The following TPTE2 variants were observed in gnomAD, a reference collection of about 807,000 sequenced individuals.
TPTE2 encodes the protein phosphatidylinositol 3,4,5-trisphosphate 3-phosphatase TPTE2.
TPTE2 carries 53 observed loss-of-function variants against 78.6 expected under a neutral mutation model. That is an observed-to-expected ratio of 0.67 (90% CI 0.54 to 0.85). The LOEUF is 0.85. Ranked by LOEUF, TPTE2 falls within the 40% of genes least tolerant of loss-of-function variation. The probability of loss-of-function intolerance (pLI) is 0.00; values close to 1 mark genes in which losing one functional copy is unlikely to be tolerated. For missense variants in TPTE2, 461 were observed against 623.0 expected (o/e 0.74, Z 2.77); for synonymous variants, 175 against 206.2 (o/e 0.85, Z 1.30).
intron 7 of TPTE2, among the ~76,000 whole-genome samples, chr13:19,465,816 TTAATA>T (rs1180841327): frequency 6.6e-6 from 1 of 152,168 alleles, no homozygotes; most frequent in Non-Finnish European, 1.5e-5. Context: ...CACCCTACAA[TTAATA>T]TAACTGCTCA....
intron 1 of TPTE2, among the ~76,000 whole-genome samples, chr13:19,525,849 A>G (rs1870463179): frequency 6.6e-6 from 1 of 152,136 alleles, no homozygotes. Flanking sequence ...TTACAAGCAA[A>G]AAACAACCTC....
At chr13:19,439,106 C>G (rs1013404884) in intron 13 of TPTE2, among the ~76,000 whole-genome samples, 13 of 152,276 alleles carry the variant, frequency 8.5e-5, no homozygotes, top group East Asian at 1.9e-4. Flanking sequence ...CTATCTGGCT[C>G]CACCCATCTT....
chr13:19,474,261 G>C (rs1879808932), intron 5 of TPTE2, among the ~76,000 whole-genome samples, 186 bp from the exon 9 acceptor site: 2 of 152,142 alleles, frequency 1.3e-5, no homozygotes, highest in Non-Finnish European at 2.9e-5. Context: ...AAAAATCACT[G>C]TTTTCACCCA....
chr13:19,560,194 G>A, the TPTE2 span: 2 of 754,664 alleles, frequency 2.7e-6, no homozygotes, highest in Non-Finnish European at 4.1e-6. Flanking sequence ...AGCTCGGCCG[G>A]CTTCATACTC....
At chr13:19,473,597 C>CTTT (rs34210025) in intron 6 of TPTE2, among the ~76,000 whole-genome samples, 3,435 of 129,080 alleles carry the variant, frequency 0.027, 125 homozygotes, top group Non-Finnish European at 0.03. Flanking sequence ...TTTTAAAATG[C>CTTT]TTTTTTTTTT....
chr13:19,513,376 G>A (rs1041344244), intron 1 of TPTE2, among the ~76,000 whole-genome samples: 8 of 152,138 alleles, frequency 5.3e-5, no homozygotes, highest in Non-Finnish European at 1.0e-4. Flanking sequence ...TAGAATCAGT[G>A]TCCAGAAAAC....
chr13:19,540,280 C>CATTATTATTATTATTATT (rs141067657), upstream of TPTE2, among the ~76,000 whole-genome samples: 7 of 145,068 alleles, frequency 4.8e-5, 1 homozygote, highest in African/African-American at 1.8e-4. Context: ...AATTAAATCT[C>CATTATTATTATTATTATT]ATTATTATTA....
At chr13:19,429,600 C>G (rs1037576011) in intron 17 of TPTE2, among the ~76,000 whole-genome samples, 1 of 152,064 alleles carries the variant, frequency 6.6e-6, no homozygotes, top group African/African-American at 2.4e-5. Flanking sequence ...ATGGGTCATT[C>G]TTTAAGAATA....
At chr13:19,531,584 A>C (rs1164839035) in intron 1 of TPTE2, among the ~76,000 whole-genome samples, 1 of 151,972 alleles carries the variant, frequency 6.6e-6, no homozygotes, top group Non-Finnish European at 1.5e-5. Context: ...TGTGTTAAGG[A>C]GAGCAATAAT....
the TPTE2 span, among the ~76,000 whole-genome samples, chr13:19,557,612 C>G: frequency 2.0e-5 from 3 of 152,140 alleles, no homozygotes; most frequent in African/African-American, 7.2e-5. Context: ...CTGGACTTGC[C>G]CAAATTATTC....
chr13:19,488,968 G>A (rs546302303), intron 3 of TPTE2, among the ~76,000 whole-genome samples: 46 of 152,088 alleles, frequency 3.0e-4, no homozygotes, highest in African/African-American at 1.0e-3. Context: ...CCTTTCACTA[G>A]GACACTCAGA....
intron 10 of TPTE2, among the ~76,000 whole-genome samples, chr13:19,457,684 C>T (rs1250367129): frequency 3.9e-5 from 6 of 152,154 alleles, no homozygotes; most frequent in African/African-American, 1.4e-4. Context: ...CATCCATGTC[C>T]CTGGAAAGGA....
At chr13:19,555,699 A>AT in the TPTE2 span, among the ~76,000 whole-genome samples, 1 of 151,218 alleles carries the variant, frequency 6.6e-6, no homozygotes, top group African/African-American at 2.4e-5. Flanking sequence ...TAGAAATAAG[A>AT]TTTTTTTATT....
chr13:19,496,848 A>G (rs1258409249), intron 1 of TPTE2, among the ~76,000 whole-genome samples: 1 of 152,188 alleles, frequency 6.6e-6, no homozygotes, highest in African/African-American at 2.4e-5. Context: ...AGCGTGAGCG[A>G]CGCGGAAGAC....
chr13:19,481,949 T>G (rs928892240), intron 4 of TPTE2, among the ~76,000 whole-genome samples: 4 of 152,048 alleles, frequency 2.6e-5, no homozygotes, highest in African/African-American at 4.8e-5. Flanking sequence ...AGTTTAAGAA[T>G]GTATTGTTTC....
intron 6 of TPTE2, among the ~76,000 whole-genome samples, chr13:19,470,017 C>G (rs760985403): frequency 9.2e-5 from 14 of 151,754 alleles, no homozygotes; most frequent in Non-Finnish European, 1.5e-4. Context: ...TTTTTATTCC[C>G]TTTCTTTCTC....
Position 19,440,956 on chromosome 13 carries a change from AGGCACTT to A in TPTE2, c.974-2810_974-2804del, listed in dbSNP as rs570856608. Among the ~76,000 whole-genome samples the A allele has an allele frequency of 9.3e-3, 1,416 of 151,808 alleles. 26 individuals carry two copies. Among genetic ancestry groups the A allele is most frequent in the African/African-American group, 0.033 (1,358 of 41,394 alleles). ...ACAAAAATTAGCTGGGCGTGGTGGC[AGGCACTT>A]GTAATCCCAGCTACTTGGGAGGCTG... On this transcript the variant is annotated intron_variant, in intron 13 of 19. Transcript: ENST00000400230.
At chr13:19,445,941 A>G (rs1877802863) in intron 13 of TPTE2, among the ~76,000 whole-genome samples, 1 of 149,012 alleles carries the variant, frequency 6.7e-6, no homozygotes, top group Admixed American at 6.6e-5. Context: ...ACCTTATCTC[A>G]AAACAAAAAA....
At chr13:19,467,892 T>G (rs1320155730) in intron 6 of TPTE2, among the ~76,000 whole-genome samples, 1 of 144,112 alleles carries the variant, frequency 6.9e-6, no homozygotes, top group South Asian at 2.3e-4. Flanking sequence ...TGAATTCAAT[T>G]GCTTTTTTTT....
Sources: allele counts gnomAD v4.1 joint callset (sites outside exome capture counted in the v4.1 genomes callset), GRCh38; gene constraint gnomAD v4.1.1; transcripts MANE v1.5; gene names NCBI Gene and HGNC (gene_info 2026-07-23, HGNC 2026-07-21).